UNC45A: variants seen among roughly 807,000 people sequenced by gnomAD.
UNC45A encodes protein unc-45 homolog A.
UNC45A carries 78 observed loss-of-function variants against 103.2 expected under a neutral mutation model. That is an observed-to-expected ratio of 0.76 (90% confidence interval 0.63 to 0.91). The LOEUF (loss-of-function observed/expected upper bound fraction) is 0.91. Among genes scored for constraint, UNC45A ranks in the 40% least tolerant of loss-of-function variants. The probability of loss-of-function intolerance (pLI) is 0.00; values close to 1 mark genes in which losing one functional copy is unlikely to be tolerated. For synonymous variants in UNC45A, 495 were observed against 504.6 expected (o/e 0.98, Z 0.25); for missense variants, 1,193 against 1,224.8 (o/e 0.97, Z 0.39).
At chr15:90,935,915 A>G (rs775111635) in intron 2 of UNC45A, 31 bp from the exon 3 acceptor site, 25 of 1,613,822 alleles carry the variant, frequency 1.5e-5, no homozygotes, top group Admixed American at 8.3e-5. Context: ...GGAGATGACC[A>G]TTCCTTCAGG....
intron 14 of UNC45A, 88 bp downstream of exon 14, chr15:90,949,531 C>T (rs901923454): frequency 1.3e-6 from 2 of 1,599,706 alleles, no homozygotes; most frequent in Non-Finnish European, 8.5e-7. Context: ...GGTTCCAGTG[C>T]TGTGGGCCTC....
intron 15 of UNC45A, 52 bp from the exon 16 acceptor site, chr15:90,950,102 C>T (rs528760839): frequency 1.2e-4 from 189 of 1,520,784 alleles, no homozygotes; most frequent in Non-Finnish European, 1.6e-4. Context: ...GCCCGATGGT[C>T]GGGGTCTTAC....
At position 90,948,726 on chromosome 15, in the gene UNC45A, G is replaced by C. The variant is rs1243467672; in HGVS notation, c.1810G>C (p.Glu604Gln). The C allele has an allele frequency of 3.7e-6, 6 of 1,614,038 alleles. No individual in the cohort carries two copies. The highest frequency in any genetic ancestry group is 3.3e-4 in the Middle Eastern group (2 of 6,022). ...CTGCACCAACAGCTATGACTACGAG[G>C]AGCCCGACCCCAAGATGGTGGAGCT... ...VNCTNSYDYE[E>Q]PDPKMVELAK... The change falls in exon 13 of 20, where the codon GAG becomes CAG. Residue 604 changes from glutamate to glutamine, a missense_variant. Transcript: ENST00000418476.
At chr15:90,942,335 A>T in intron 6 of UNC45A, 102 bp from the exon 7 acceptor site, 4 of 1,357,548 alleles carry the variant, frequency 2.9e-6, no homozygotes, top group Non-Finnish European at 3.0e-6. Context: ...CCTTCCACCC[A>T]ATTCTCTCCT....
At chr15:90,939,879 A>AGCACCCTTCACCCATGTT in intron 5 of UNC45A, 56 bp downstream of exon 5, 1 of 1,534,800 alleles carries the variant, frequency 6.5e-7, no homozygotes. Flanking sequence ...ACCCATCCAT[A>AGCACCCTTCACCCATGTT]GGCCCCCGAA....
chr15:90,931,447 G>C (rs1472622949), upstream of UNC45A: 1 of 1,612,924 alleles, frequency 6.2e-7, no homozygotes, highest in Non-Finnish European at 8.5e-7. Context: ...TGATGTCAAG[G>C]AAAGCACTGC....
intron 15 of UNC45A, 106 bp from the exon 16 acceptor site, chr15:90,950,047 TG>T: frequency 9.4e-7 from 1 of 1,059,746 alleles, no homozygotes; most frequent in Middle Eastern, 3.0e-4. Flanking sequence ...GAGTCAAGCC[TG>T]GGGAGAGGGA....
intron 6 of UNC45A, among the ~76,000 whole-genome samples, chr15:90,941,199 C>T (rs755141259): frequency 6.6e-6 from 1 of 152,144 alleles, no homozygotes; most frequent in Non-Finnish European, 1.5e-5. Flanking sequence ...ATGTGCCTGG[C>T]CACCACAGCA....
intron 4 of UNC45A, among the ~76,000 whole-genome samples, chr15:90,938,394 C>A (rs2036123409): frequency 6.6e-6 from 1 of 152,170 alleles, no homozygotes; most frequent in Non-Finnish European, 1.5e-5. Context: ...GCAGACACCT[C>A]ACTGAAATGT....
intron 4 of UNC45A, 121 bp downstream of exon 4, chr15:90,936,581 G>A: frequency 8.2e-7 from 1 of 1,216,982 alleles, no homozygotes; most frequent in African/African-American, 1.5e-5. Context: ...CTGTGGCCAG[G>A]GAAAAGCAAA....
intron 4 of UNC45A, among the ~76,000 whole-genome samples, chr15:90,936,849 T>C (rs988987903): frequency 2.6e-5 from 4 of 152,242 alleles, no homozygotes; most frequent in African/African-American, 7.2e-5. Flanking sequence ...AGAAACCTTG[T>C]CCACGTGCAC....
At chr15:90,946,412 T>A (rs183907349) in intron 9 of UNC45A, among the ~76,000 whole-genome samples, 2 of 152,326 alleles carry the variant, frequency 1.3e-5, no homozygotes, top group Admixed American at 1.3e-4. Context: ...TTAGATACTA[T>A]GTCAGGGAAG....
intron 5 of UNC45A, 50 bp from the exon 6 acceptor site, chr15:90,940,256 T>C (rs1302605157): frequency 6.4e-7 from 1 of 1,573,016 alleles, no homozygotes; most frequent in East Asian, 2.3e-5. Flanking sequence ...CAGTGCTGCA[T>C]CCTATGCCGT....
intron 17 of UNC45A, 101 bp from the exon 18 acceptor site, chr15:90,952,828 C>T: frequency 9.0e-7 from 1 of 1,109,402 alleles, no homozygotes. Flanking sequence ...TCACCTCCCA[C>T]CAGGCCCTAC....
intron 18 of UNC45A, 44 bp from the exon 19 acceptor site, chr15:90,953,111 T>A (rs1222446649): frequency 1.7e-5 from 28 of 1,613,148 alleles, no homozygotes; most frequent in Non-Finnish European, 2.4e-5. Context: ...CTGGCTGGGC[T>A]TTACACCCAA....
chr15:90,949,497 G>A, intron 14 of UNC45A, 54 bp downstream of exon 14: 6 of 1,606,934 alleles, frequency 3.7e-6, no homozygotes, highest in South Asian at 3.3e-5. Flanking sequence ...CCTCAGGGCT[G>A]CAGATGTGGC....
intron 19 of UNC45A, 44 bp downstream of exon 19, chr15:90,953,354 C>A (rs774339070): frequency 6.3e-6 from 10 of 1,593,284 alleles, no homozygotes; most frequent in Non-Finnish European, 8.5e-6. Flanking sequence ...GGACCAGGAA[C>A]TCCCAGCAGC....
rs1288249270 is a variant in UNC45A at position 90,953,933 on chromosome 15, C to T, written c.*217C>T. 2 of 645,242 alleles carry T rather than the reference C, an allele frequency of 3.1e-6. No individual in the cohort carries two copies. Among genetic ancestry groups the T allele is most frequent in the Non-Finnish European group, 2.6e-6 (1 of 382,020 alleles). 40.0% of individuals were successfully genotyped at this position (645,242 alleles called of 1,614,324 possible). A position where few individuals can be genotyped will look rare whatever the true frequency, so the allele number is the denominator to read the frequency against. ...CTGCCTGCAGCCTCACTCAGAGGGG[C>T]CCTTTTTCTGTACTACTGTAGTCAG... On this transcript the variant is annotated 3_prime_UTR_variant, in exon 20 of 20. Coordinates refer to ENST00000418476, the MANE Select transcript of UNC45A (RefSeq NM_018671.5).
At chr15:90,945,924 G>GC (rs113796207) in intron 9 of UNC45A, among the ~76,000 whole-genome samples, 151,871 of 151,880 alleles carry the variant, frequency 1, 75,931 homozygotes, top group Middle Eastern at 1. Flanking sequence ...ACAGGCATGA[G>GC]GACCGCGTCC....
Sources: allele counts gnomAD v4.1 joint callset (sites outside exome capture counted in the v4.1 genomes callset), GRCh38; gene constraint gnomAD v4.1.1; transcripts MANE v1.5; gene names NCBI Gene and HGNC (gene_info 2026-07-23, HGNC 2026-07-21).